Variants in RDH12 observed in about 807,000 individuals in gnomAD.
RDH12 encodes the protein all-trans and 9-cis retinol dehydrogenase.
RDH12 carries 21 observed loss-of-function variants against 34.0 expected under a neutral mutation model. The observed-to-expected ratio is 0.62, with a 90% CI of 0.44 to 0.89. The LOEUF (loss-of-function observed/expected upper bound fraction) is 0.89. Among genes scored for constraint, RDH12 ranks in the 40% least tolerant of loss-of-function variants. RDH12 has a pLI of 0.00. For synonymous variants in RDH12, 198 were observed against 169.9 expected (o/e 1.17, Z -1.29); for missense variants, 394 against 398.6 (o/e 0.99, Z 0.10).
At chr14:67,704,912 G>A (rs184712192) in intron 1 of RDH12, among the ~76,000 whole-genome samples, 10 of 152,314 alleles carry the variant, frequency 6.6e-5, no homozygotes, top group Admixed American at 3.9e-4. Flanking sequence ...GTAGCACTCA[G>A]CAGGGGCATC....
At chr14:67,705,746 A>AT (rs753353778) in intron 1 of RDH12, among the ~76,000 whole-genome samples, 1 of 152,294 alleles carries the variant, frequency 6.6e-6, no homozygotes, top group Admixed American at 6.5e-5. Flanking sequence ...TATTTTTGCA[A>AT]TTTTTTGTAA....
intron 8 of RDH12, among the ~76,000 whole-genome samples, chr14:67,732,905 A>G (rs895399784): frequency 1.3e-5 from 2 of 152,092 alleles, no homozygotes; most frequent in Non-Finnish European, 2.9e-5. Context: ...TTCTTTTATC[A>G]GCACTGCATG....
intron 6 of RDH12, 40 bp from the exon 7 acceptor site, chr14:67,726,941 T>G: frequency 6.3e-7 from 1 of 1,581,956 alleles, no homozygotes; most frequent in Non-Finnish European, 8.7e-7. Flanking sequence ...GCCTGGGCTG[T>G]CATTCCACTT....
chr14:67,708,031 C>T (rs1459797225), intron 1 of RDH12, among the ~76,000 whole-genome samples: 1 of 152,196 alleles, frequency 6.6e-6, no homozygotes, highest in Admixed American at 6.5e-5. Flanking sequence ...CAAATGGAAA[C>T]AGATTCTTAC....
chr14:67,712,888 T>G (rs1406049663), intron 1 of RDH12, among the ~76,000 whole-genome samples: 1 of 152,066 alleles, frequency 6.6e-6, no homozygotes, highest in Non-Finnish European at 1.5e-5. Context: ...AATAAAAAAA[T>G]GTTCCCTTCT....
intron 8 of RDH12, 140 bp downstream of exon 8, chr14:67,729,520 G>A (rs1419412325): frequency 2.5e-6 from 2 of 801,440 alleles, no homozygotes; most frequent in Non-Finnish European, 4.2e-6. Context: ...ACAGAATGCC[G>A]TTGCTTTGTT....
chr14:67,720,823 G>T (rs2038116233), intron 1 of RDH12, 25 bp from the exon 2 acceptor site: 3 of 152,122 alleles, frequency 2.0e-5, no homozygotes, highest in African/African-American at 7.2e-5. Flanking sequence ...GATGCCTTAT[G>T]GTCCTTCTAA....
intron 7 of RDH12, among the ~76,000 whole-genome samples, chr14:67,728,552 A>C (rs1299147333): frequency 2.0e-5 from 3 of 152,170 alleles, no homozygotes; most frequent in African/African-American, 7.2e-5. Context: ...TCTGTGACTT[A>C]GTTTTCTTTG....
intron 1 of RDH12, among the ~76,000 whole-genome samples, chr14:67,711,329 A>G (rs1480664023): frequency 1.3e-5 from 2 of 152,242 alleles, no homozygotes; most frequent in Non-Finnish European, 2.9e-5. Context: ...AGTAATAAGT[A>G]TGAAATTGCT....
chr14:67,710,601 T>A (rs997267594), intron 1 of RDH12, among the ~76,000 whole-genome samples: 1 of 151,998 alleles, frequency 6.6e-6, no homozygotes, highest in Non-Finnish European at 1.5e-5. Context: ...ACAAAAAAAA[T>A]CTTTATTTTT....
chr14:67,717,835 G>A (rs2038083967), intron 1 of RDH12: 1 of 152,170 alleles, frequency 6.6e-6, no homozygotes, highest in Admixed American at 6.5e-5. Context: ...AGACCAAGGT[G>A]GAAGGATCAC....
At chr14:67,712,746 GT>G (rs975275778) in intron 1 of RDH12, among the ~76,000 whole-genome samples, 3 of 152,126 alleles carry the variant, frequency 2.0e-5, no homozygotes, top group Admixed American at 1.3e-4. Context: ...AACCTAGGCT[GT>G]TGTGATAGGG....
At chr14:67,725,060 G>C (rs2038168776) in intron 4 of RDH12, 39 bp from the exon 5 acceptor site, 2 of 1,611,868 alleles carry the variant, frequency 1.2e-6, no homozygotes, top group African/African-American at 1.3e-5. Context: ...TTATAGCCTA[G>C]GATATGAACA....
At chr14:67,714,195 G>A (rs1338141159) in intron 1 of RDH12, among the ~76,000 whole-genome samples, 2 of 152,178 alleles carry the variant, frequency 1.3e-5, no homozygotes, top group Non-Finnish European at 2.9e-5. Flanking sequence ...GAGTGCAGTG[G>A]TGTGATCACA....
intron 8 of RDH12, chr14:67,729,939 A>C: frequency 7.4e-6 from 3 of 404,558 alleles, no homozygotes; most frequent in South Asian, 5.6e-5. Context: ...CCATGACAGA[A>C]TCCAGCCCTG....
chr14:67,725,427 T>C (rs1312053273), intron 5 of RDH12, among the ~76,000 whole-genome samples, 173 bp downstream of exon 5: 1 of 152,206 alleles, frequency 6.6e-6, no homozygotes, highest in Non-Finnish European at 1.5e-5. Flanking sequence ...GTAGATAGAC[T>C]GGGCAGGATC....
At chr14:67,708,128 C>A (rs1024560768) in intron 1 of RDH12, among the ~76,000 whole-genome samples, 1 of 152,132 alleles carries the variant, frequency 6.6e-6, no homozygotes, top group Non-Finnish European at 1.5e-5. Flanking sequence ...CAGAGAGACA[C>A]AAATATGCCC....
intron 8 of RDH12, 173 bp downstream of exon 8, chr14:67,729,553 T>A: frequency 1.4e-6 from 1 of 694,146 alleles, no homozygotes; most frequent in East Asian, 2.7e-5. Flanking sequence ...AGTACAAACT[T>A]ATGTGTTGGG....
At chr14:67,713,265 CAAA>C (rs113116028) in intron 1 of RDH12, among the ~76,000 whole-genome samples, 1 of 150,818 alleles carries the variant, frequency 6.6e-6, no homozygotes, top group Non-Finnish European at 1.5e-5. Context: ...AACAAACAAA[CAAA>C]AAACAAAACA....
Sources: allele counts gnomAD v4.1 joint callset (sites outside exome capture counted in the v4.1 genomes callset), GRCh38; gene constraint gnomAD v4.1.1; transcripts MANE v1.5; gene names NCBI Gene and HGNC (gene_info 2026-07-23, HGNC 2026-07-21).